The following LRP1B variants were observed in gnomAD, a reference collection of about 807,000 sequenced individuals.
LRP1B encodes the protein low-density lipoprotein receptor-related protein 1B.
Under a neutral mutation model 556.6 loss-of-function variants are expected in LRP1B, and 217 were observed. The ratio of observed to expected loss-of-function variants is 0.39; its 90% confidence interval spans 0.35 to 0.44. The LOEUF (loss-of-function observed/expected upper bound fraction) is 0.44. Ranked by LOEUF, LRP1B falls within the 20% of genes least tolerant of loss-of-function variation. LRP1B has a pLI of 1.00. For synonymous variants in LRP1B, 2,047 were observed against 1,865.8 expected (o/e 1.10, Z -2.50); for missense variants, 5,053 against 5,620.8 (o/e 0.90, Z 3.23).
At chr2:140,946,461 A>G (rs1695550486) in intron 20 of LRP1B, among the ~76,000 whole-genome samples, 2 of 151,916 alleles carry the variant, frequency 1.3e-5, no homozygotes, top group Non-Finnish European at 2.9e-5. Context: ...TTAGCTGGGT[A>G]TGGTGGCTCA....
chr2:141,088,202 G>T (rs149426758), intron 7 of LRP1B, among the ~76,000 whole-genome samples: 19 of 152,162 alleles, frequency 1.2e-4, no homozygotes, highest in African/African-American at 4.6e-4. Context: ...AGTATTGGAA[G>T]GGACTCTTAT....
At chr2:141,503,904 G>T (rs1277318630) in intron 2 of LRP1B, among the ~76,000 whole-genome samples, 1 of 151,816 alleles carries the variant, frequency 6.6e-6, no homozygotes, top group Non-Finnish European at 1.5e-5. Flanking sequence ...ATATATTTAA[G>T]CATTCAGGCA....
intron 31 of LRP1B, among the ~76,000 whole-genome samples, chr2:140,832,454 CA>C (rs1159877074): frequency 1.3e-5 from 2 of 152,306 alleles, no homozygotes; most frequent in East Asian, 3.9e-4. Context: ...GAGATACCTG[CA>C]CTAGCATGTC....
intron 2 of LRP1B, among the ~76,000 whole-genome samples, chr2:141,651,041 C>T (rs529404521): frequency 1.1e-3 from 165 of 152,238 alleles, no homozygotes; most frequent in African/African-American, 3.3e-3. Flanking sequence ...TTATCCATGC[C>T]GGACTTTACA....
chr2:140,645,630 C>G (rs1684454923), intron 41 of LRP1B, among the ~76,000 whole-genome samples: 1 of 149,238 alleles, frequency 6.7e-6, no homozygotes. Flanking sequence ...AGCTCCGCCT[C>G]CCGGGTTCAC....
intron 66 of LRP1B, among the ~76,000 whole-genome samples, chr2:140,440,579 A>T (rs1686379691): frequency 6.6e-6 from 1 of 152,208 alleles, no homozygotes; most frequent in Admixed American, 6.6e-5. Flanking sequence ...AGGACAAAAG[A>T]GAAGGGAACA....
chr2:141,235,553 G>T (rs1008377193), intron 5 of LRP1B, among the ~76,000 whole-genome samples: 1 of 152,030 alleles, frequency 6.6e-6, no homozygotes, highest in Non-Finnish European at 1.5e-5. Context: ...ATGGATAAAA[G>T]AAAGTCAAGC....
At chr2:141,185,366 G>A (rs1165682321) in intron 7 of LRP1B, among the ~76,000 whole-genome samples, 1 of 151,936 alleles carries the variant, frequency 6.6e-6, no homozygotes, top group Admixed American at 6.6e-5. Flanking sequence ...TTTTGATGTT[G>A]GTTGGAATAT....
At chr2:141,761,557 T>C (rs182231026) in intron 2 of LRP1B, among the ~76,000 whole-genome samples, 156 of 152,272 alleles carry the variant, frequency 1.0e-3, no homozygotes, top group African/African-American at 3.7e-3. Context: ...AAGCTTGAGA[T>C]GTGCTATTAG....
At chr2:140,398,375 T>G (rs956651436) in intron 66 of LRP1B, among the ~76,000 whole-genome samples, 1 of 152,190 alleles carries the variant, frequency 6.6e-6, no homozygotes, top group Non-Finnish European at 1.5e-5. Context: ...TTGTTTTATA[T>G]GCATCCAAAG....
At chr2:141,910,591 ACT>A (rs1221370758) in intron 1 of LRP1B, among the ~76,000 whole-genome samples, 1 of 152,064 alleles carries the variant, frequency 6.6e-6, no homozygotes, top group African/African-American at 2.4e-5. Context: ...AAAAAACAAC[ACT>A]GGAATTGCCA....
At chr2:141,876,524 G>A (rs534179152) in intron 1 of LRP1B, among the ~76,000 whole-genome samples, 3 of 152,026 alleles carry the variant, frequency 2.0e-5, no homozygotes, top group Admixed American at 2.0e-4. Context: ...ATATATTATA[G>A]ATTATGTAGT....
intron 56 of LRP1B, among the ~76,000 whole-genome samples, chr2:140,494,408 T>C (rs1688826282): frequency 6.6e-6 from 1 of 152,074 alleles, no homozygotes. Context: ...GCTCCAATCC[T>C]GGTGAACACG....
intron 3 of LRP1B, among the ~76,000 whole-genome samples, chr2:141,429,346 AT>A (rs1237740192): frequency 2.0e-5 from 3 of 152,180 alleles, no homozygotes; most frequent in African/African-American, 7.2e-5. Flanking sequence ...AAGTCAATAA[AT>A]TTTTTAATGT....
At chr2:142,105,858 C>T (rs1471642786) in intron 1 of LRP1B, among the ~76,000 whole-genome samples, 4 of 151,956 alleles carry the variant, frequency 2.6e-5, no homozygotes, top group Admixed American at 2.6e-4. Flanking sequence ...AGGTTGTATA[C>T]TCCTCTGATA....
At chr2:141,089,404 T>C (rs1558852858) in intron 7 of LRP1B, among the ~76,000 whole-genome samples, 1 of 152,228 alleles carries the variant, frequency 6.6e-6, no homozygotes, top group Non-Finnish European at 1.5e-5. Context: ...TATCTAGATC[T>C]GTATCGGAGA....
At position 140,240,268 on chromosome 2, in the gene LRP1B, G is replaced by A. The variant is rs114067509; in HGVS notation, c.13325-736C>T. 2.3e-3 allele frequency among the ~76,000 whole-genome samples: 343 copies of A among 150,922 alleles called. 1 individual carries two copies. Among genetic ancestry groups the A allele is most frequent in the African/African-American group, 8.0e-3 (329 of 41,380 alleles). On this transcript the variant is annotated intron_variant, in intron 87 of 90. Transcript: ENST00000389484. ...TAGGAGTTTGGCTTATGTGGCAAATGTCAATTATTTTCCTTTCTTCCATAT... is the reference window on the plus strand; with the variant it reads ...TAGGAGTTTGGCTTATGTGGCAAATATCAATTATTTTCCTTTCTTCCATAT...
intron 2 of LRP1B, among the ~76,000 whole-genome samples, chr2:141,713,004 AG>A (rs1166679389): frequency 9.9e-5 from 15 of 151,804 alleles, no homozygotes; most frequent in African/African-American, 3.6e-4. Flanking sequence ...CAAGTATACA[AG>A]TACATTAGAC....
At chr2:140,499,799 G>A (rs1046277405) in intron 55 of LRP1B, among the ~76,000 whole-genome samples, 2 of 151,746 alleles carry the variant, frequency 1.3e-5, no homozygotes, top group Admixed American at 6.6e-5. Context: ...AATTCTATAG[G>A]AACACCACTG....
Sources: allele counts gnomAD v4.1 joint callset (sites outside exome capture counted in the v4.1 genomes callset), GRCh38; gene constraint gnomAD v4.1.1; transcripts MANE v1.5; gene names NCBI Gene and HGNC (gene_info 2026-07-23, HGNC 2026-07-21).